The following GRAMD1B variants were observed in gnomAD, a reference collection of about 807,000 sequenced individuals.
GRAMD1B encodes GRAM domain containing 1B, also known as protein Aster-B.
GRAMD1B carries 37 observed loss-of-function variants against 99.7 expected under a neutral mutation model. That is an observed-to-expected ratio of 0.37 (90% CI 0.29 to 0.49). The LOEUF (loss-of-function observed/expected upper bound fraction) is 0.49, where lower values mean the gene tolerates loss of function less well. Among genes scored for constraint, GRAMD1B ranks in the 20% least tolerant of loss-of-function variants. The pLI, the probability that GRAMD1B is intolerant of heterozygous loss-of-function variation, is 0.98. For missense variants in GRAMD1B, 888 were observed against 1,009.2 expected (o/e 0.88, Z 1.63); for synonymous variants, 427 against 387.6 (o/e 1.10, Z -1.19).
intron 2 of GRAMD1B, among the ~76,000 whole-genome samples, chr11:123,507,725 T>C (rs1364052748): frequency 2.0e-5 from 3 of 152,198 alleles, no homozygotes; most frequent in Non-Finnish European, 2.9e-5. Context: ...CCAAGATTTT[T>C]TCCTTAATGT....
At chr11:123,463,105 T>A (rs1950515024) in intron 1 of GRAMD1B, among the ~76,000 whole-genome samples, 1 of 152,150 alleles carries the variant, frequency 6.6e-6, no homozygotes, top group South Asian at 2.1e-4. Context: ...GCCTCCTAGG[T>A]TCAAGTGATT....
At chr11:123,363,570 CT>C (rs1404217054) in intron 1 of GRAMD1B, among the ~76,000 whole-genome samples, 7 of 151,278 alleles carry the variant, frequency 4.6e-5, no homozygotes, top group Admixed American at 2.6e-4. Context: ...CTCTCTCATA[CT>C]TTTTTTTTGT....
intron 5 of GRAMD1B, 124 bp from the exon 6 acceptor site, chr11:123,594,611 C>G: frequency 1.5e-6 from 1 of 652,696 alleles, no homozygotes; most frequent in South Asian, 1.8e-5. Context: ...TGTCTGGCAC[C>G]CCTTGTCCGT....
At chr11:123,485,116 T>C (rs538498143) in intron 2 of GRAMD1B, among the ~76,000 whole-genome samples, 1 of 152,352 alleles carries the variant, frequency 6.6e-6, no homozygotes, top group Non-Finnish European at 1.5e-5. Context: ...TGTCACTGAC[T>C]GAAAACGGTC....
intron 1 of GRAMD1B, among the ~76,000 whole-genome samples, chr11:123,465,509 G>A (rs1230929693): frequency 1.3e-5 from 2 of 152,170 alleles, no homozygotes; most frequent in South Asian, 2.1e-4. Context: ...GCTCATGCCT[G>A]TAATCCCAGC....
At chr11:123,481,618 G>A (rs938851156) in intron 2 of GRAMD1B, among the ~76,000 whole-genome samples, 1 of 152,184 alleles carries the variant, frequency 6.6e-6, no homozygotes, top group Non-Finnish European at 1.5e-5. Context: ...TGGCAGCAGC[G>A]TTAATGAAAA....
At chr11:123,506,021 T>A (rs2135231654) in intron 2 of GRAMD1B, among the ~76,000 whole-genome samples, 1 of 152,328 alleles carries the variant, frequency 6.6e-6, no homozygotes, top group South Asian at 2.1e-4. Flanking sequence ...ACCCAGACTC[T>A]GGAGAGAAGG....
chr11:123,570,470 C>G (rs1215270850), intron 2 of GRAMD1B, among the ~76,000 whole-genome samples: 1 of 139,192 alleles, frequency 7.2e-6, no homozygotes, highest in Admixed American at 7.9e-5. Context: ...GTCACCCAGG[C>G]TAGAGTGCAG....
chr11:123,537,179 G>T (rs1944054502), intron 2 of GRAMD1B, among the ~76,000 whole-genome samples: 1 of 152,170 alleles, frequency 6.6e-6, no homozygotes, highest in Non-Finnish European at 1.5e-5. Flanking sequence ...TGTCATGGGG[G>T]TAGCCAGAGC....
Position 123,599,214 on chromosome 11 carries a change from T to G in GRAMD1B, c.970-1254T>G. On this transcript the variant is annotated intron_variant, in intron 7 of 19. Coordinates refer to ENST00000635736, the MANE Select transcript of GRAMD1B (RefSeq NM_001387025.1). ...GAGTCTGTTACAGAAATCAGAAAATTCCTTGGGTCCTGAAATGGCACCGAG... is the reference window on the plus strand; with the variant it reads ...GAGTCTGTTACAGAAATCAGAAAATGCCTTGGGTCCTGAAATGGCACCGAG... 6.6e-6 allele frequency: 5 copies of G among 762,080 alleles called. No homozygotes were observed. The South Asian group carries it at 6.7e-5, about 10-fold the overall frequency. 47.2% of individuals were successfully genotyped at this position (762,080 alleles called of 1,614,324 possible). A position where few individuals can be genotyped will look rare whatever the true frequency, so the allele number is the denominator to read the frequency against.
At chr11:123,421,331 C>A (rs551331048) in intron 1 of GRAMD1B, among the ~76,000 whole-genome samples, 39 of 152,328 alleles carry the variant, frequency 2.6e-4, no homozygotes, top group African/African-American at 9.1e-4. Context: ...TGTTTGCCAA[C>A]AAATGCAGAC....
At chr11:123,363,570 C>CTTTTTTTTTTGTTT (rs1404217054) in intron 1 of GRAMD1B, among the ~76,000 whole-genome samples, 239 of 151,374 alleles carry the variant, frequency 1.6e-3, no homozygotes, top group African/African-American at 5.7e-3. Context: ...CTCTCTCATA[C>CTTTTTTTTTTGTTT]TTTTTTTTTG....
Position 123,430,292 on chromosome 11 carries a change from C to T in GRAMD1B, c.-501C>T, listed in dbSNP as rs539145416. The T allele has an allele frequency of 1.6e-3, 236 of 151,490 alleles. 1 individual carries two copies. The highest frequency in any genetic ancestry group is 5.5e-3 in the African/African-American group (226 of 41,098). 9.4% of individuals were successfully genotyped at this position (151,490 alleles called of 1,614,324 possible). A position where few individuals can be genotyped will look rare whatever the true frequency, so the allele number is the denominator to read the frequency against. On this transcript the variant is annotated 5_prime_UTR_variant, in exon 1 of 20. Transcript: ENST00000635736. ...CTCTCTCTCTCTCTGTCTCTCTCTC[C>T]CTTTCCCTCCTACCACTGCCTCTTC...
intron 2 of GRAMD1B, among the ~76,000 whole-genome samples, chr11:123,486,780 A>C (rs1937850332): frequency 6.6e-6 from 1 of 152,184 alleles, no homozygotes; most frequent in African/African-American, 2.4e-5. Context: ...AAACTGAAGA[A>C]TTTTACAAGC....
intron 12 of GRAMD1B, among the ~76,000 whole-genome samples, chr11:123,609,337 A>T (rs560916855): frequency 6.6e-6 from 1 of 150,690 alleles, no homozygotes; most frequent in Non-Finnish European, 1.5e-5. Flanking sequence ...CTTCCCCCAA[A>T]CTCTTCCCAC....
chr11:123,520,776 CAAA>C (rs11219185), intron 2 of GRAMD1B, among the ~76,000 whole-genome samples: 2 of 103,702 alleles, frequency 1.9e-5, no homozygotes, highest in East Asian at 2.8e-4. Flanking sequence ...GAGACCCTGT[CAAA>C]AAAAAAAAAA....
At chr11:123,388,777 C>T (rs1217241803) in intron 1 of GRAMD1B, among the ~76,000 whole-genome samples, 1 of 152,186 alleles carries the variant, frequency 6.6e-6, no homozygotes, top group Non-Finnish European at 1.5e-5. Flanking sequence ...GAGAAGTCAT[C>T]AGCCTGCAAC....
intron 2 of GRAMD1B, among the ~76,000 whole-genome samples, chr11:123,559,458 G>T (rs1946469385): frequency 6.6e-6 from 1 of 152,140 alleles, no homozygotes; most frequent in South Asian, 2.1e-4. Context: ...TTAGGTGATT[G>T]TGGTGGGAAT....
rs60644137 is a variant in GRAMD1B at position 123,368,275 on chromosome 11, A to AAAAAAAG, written c.-176+9479_-176+9480insAAAGAAA. Among the ~76,000 whole-genome samples, 337 of 127,134 alleles carry AAAAAAAG rather than the reference A, an allele frequency of 2.7e-3. 6 individuals carry two copies. Among genetic ancestry groups the AAAAAAAG allele is most frequent in the African/African-American group, 0.012 (327 of 27,488 alleles). The allele number at this position is 127,134 out of a possible 152,430, so 83.4% of individuals were successfully genotyped here. A position where few individuals can be genotyped will look rare whatever the true frequency, so the allele number is the denominator to read the frequency against. On this transcript the variant is annotated intron_variant, in intron 1 of 20. Coordinates refer to the GRAMD1B transcript ENST00000638157. ...TCTTAAAACAAAAAAAAAAAAAAAA[A>AAAAAAAG]AAAGAAAGAAAGAGGAGGGTCCCTA...
Sources: allele counts gnomAD v4.1 joint callset (sites outside exome capture counted in the v4.1 genomes callset), GRCh38; gene constraint gnomAD v4.1.1; transcripts MANE v1.5; gene names NCBI Gene and HGNC (gene_info 2026-07-23, HGNC 2026-07-21).